Variants in SUMF1 observed in about 807,000 individuals in gnomAD.
SUMF1 encodes the protein sulfatase modifying factor 1.
Under a neutral mutation model 47.6 loss-of-function variants are expected in SUMF1, and 48 were observed. The observed-to-expected ratio is 1.01, with a 90% CI of 0.80 to 1.28. The LOEUF is 1.28. Among genes scored for constraint, SUMF1 ranks in the 50% most tolerant of loss-of-function variants. SUMF1 has a pLI of 0.00. For missense variants in SUMF1, 571 were observed against 485.4 expected, an observed-to-expected ratio of 1.18 and a Z score of -1.66; for synonymous variants, 230 against 192.1, an observed-to-expected ratio of 1.20 and a Z score of -1.63.
intron 8 of SUMF1, among the ~76,000 whole-genome samples, chr3:4,134,918 T>A (rs1019457600): frequency 6.6e-6 from 1 of 152,022 alleles, no homozygotes; most frequent in African/African-American, 2.4e-5. Flanking sequence ...CAAGACTAAA[T>A]CAGGACGAAG....
intron 8 of SUMF1, among the ~76,000 whole-genome samples, chr3:4,124,831 T>G (rs1403150618): frequency 1.3e-5 from 2 of 152,082 alleles, no homozygotes; most frequent in Non-Finnish European, 2.9e-5. Flanking sequence ...AGGAAAAATT[T>G]TTACTGCTTG....
In SUMF1 at chr3:4,137,936, A is replaced by T. The variant is rs201914692; in HGVS notation, c.1015-69191T>A. On this transcript the variant is annotated intron_variant and NMD_transcript_variant, in intron 8 of 12. Coordinates refer to the SUMF1 transcript ENST00000448413. ...TAATACACACACACACACACACATTATTAGAACTAATAAGTGAGTTCAGCA... is the reference window on the plus strand; with the variant it reads ...TAATACACACACACACACACACATTTTTAGAACTAATAAGTGAGTTCAGCA... Among the ~76,000 whole-genome samples the T allele has an allele frequency of 3.1e-3, 475 of 151,948 alleles. 4 individuals carry two copies. The highest frequency in any genetic ancestry group is 0.011 in the African/African-American group (450 of 41,428).
chr3:4,239,359 T>G (rs1479273864), intron 8 of SUMF1, among the ~76,000 whole-genome samples: 4 of 152,192 alleles, frequency 2.6e-5, no homozygotes, highest in Admixed American at 2.6e-4. Flanking sequence ...ATAGATTACT[T>G]TGGGCAGTAT....
chr3:4,272,889 T>C (rs1291542323), intron 8 of SUMF1, among the ~76,000 whole-genome samples: 1 of 151,802 alleles, frequency 6.6e-6, no homozygotes, highest in South Asian at 2.1e-4. Flanking sequence ...ACCTGGGCAA[T>C]ATAGCCAGAC....
intron 8 of SUMF1, among the ~76,000 whole-genome samples, chr3:4,245,414 G>C (rs1696641766): frequency 6.6e-6 from 1 of 152,074 alleles, no homozygotes; most frequent in South Asian, 2.1e-4. Flanking sequence ...CTACAGATGG[G>C]GTTTTAGTGT....
intron 1 of SUMF1, among the ~76,000 whole-genome samples, chr3:4,462,566 A>ATTTTTGTCTTGTACACAAATCTTTTTT (rs2079841337): frequency 6.6e-6 from 1 of 152,032 alleles, no homozygotes; most frequent in Non-Finnish European, 1.5e-5. Context: ...CTACCGTAAG[A>ATTTTTGTCTTGTACACAAATCTTTTTT]TTTTTGTCTT....
intron 8 of SUMF1, among the ~76,000 whole-genome samples, chr3:4,333,769 CAGG>C (rs1205806452): frequency 2.0e-5 from 3 of 151,622 alleles, no homozygotes; most frequent in African/African-American, 7.3e-5. Flanking sequence ...TAAATATAAA[CAGG>C]AGAACAATTT....
At chr3:4,328,891 G>C (rs1037762523) in intron 8 of SUMF1, among the ~76,000 whole-genome samples, 1 of 152,154 alleles carries the variant, frequency 6.6e-6, no homozygotes, top group Non-Finnish European at 1.5e-5. Context: ...TACAATGGGG[G>C]TACAGGCATT....
At chr3:4,227,144 T>G (rs1043107350) in intron 8 of SUMF1, among the ~76,000 whole-genome samples, 1 of 152,130 alleles carries the variant, frequency 6.6e-6, no homozygotes, top group East Asian at 1.9e-4. Context: ...CCAAGAAGCA[T>G]TCTAGAGCTT....
chr3:4,230,700 G>A (rs73806960), intron 8 of SUMF1, among the ~76,000 whole-genome samples: 4,138 of 152,116 alleles, frequency 0.027, 178 homozygotes, highest in African/African-American at 0.094. Flanking sequence ...CTCTTCCCCA[G>A]TGGTGGGGCC....
intron 8 of SUMF1, among the ~76,000 whole-genome samples, chr3:4,268,239 G>C (rs892417190): frequency 6.6e-6 from 1 of 152,006 alleles, no homozygotes; most frequent in South Asian, 2.1e-4. Flanking sequence ...ACTGTTGTGG[G>C]GTTGGGGGAG....
intron 8 of SUMF1, among the ~76,000 whole-genome samples, chr3:4,277,634 T>C (rs1697446409): frequency 6.6e-6 from 1 of 152,088 alleles, no homozygotes; most frequent in Admixed American, 6.6e-5. Context: ...AATCTTTACA[T>C]CTAGGAGGCT....
At chr3:4,201,219 T>C (rs1278442594) in intron 8 of SUMF1, among the ~76,000 whole-genome samples, 1 of 152,082 alleles carries the variant, frequency 6.6e-6, no homozygotes, top group Non-Finnish European at 1.5e-5. Context: ...TGCTATCAAA[T>C]ACTAGATCTT....
rs150634088 is a variant in SUMF1, at chr3:4,449,536, C to G, written c.445-196G>C. Among the ~76,000 whole-genome samples, 8 of 152,268 alleles carry G rather than the reference C, an allele frequency of 5.3e-5. No individual in the cohort carries two copies. In the East Asian group the frequency reaches 1.3e-3, roughly 26 times the overall value. ...TTAAATTAATGTCACTTACAGAGAC[C>G]ATTTTCGTTTAAGACTCACTTAGCT... On this transcript the variant is annotated intron_variant, in intron 2 of 8. Transcript: ENST00000272902.
intron 7 of SUMF1, among the ~76,000 whole-genome samples, chr3:4,388,314 T>C (rs1489994881): frequency 1.3e-5 from 2 of 152,098 alleles, no homozygotes; most frequent in East Asian, 3.8e-4. Context: ...ATTATATACG[T>C]TCTTCCTCAA....
intron 8 of SUMF1, among the ~76,000 whole-genome samples, chr3:4,104,869 C>A (rs1693122528): frequency 6.6e-6 from 1 of 152,070 alleles, no homozygotes; most frequent in African/African-American, 2.4e-5. Flanking sequence ...AGCAATACCA[C>A]TTCTGGTATA....
chr3:4,374,016 A>G (rs1487221749), intron 8 of SUMF1, among the ~76,000 whole-genome samples: 1 of 152,150 alleles, frequency 6.6e-6, no homozygotes, highest in Non-Finnish European at 1.5e-5. Flanking sequence ...AAAAATTAGC[A>G]ATGGAAAAAA....
rs188716186 is a variant in SUMF1 at position 4,327,941 on chromosome 3, C to T, written c.1014+48389G>A. Reference sequence around the variant, plus strand: ...GATTTTAAAAGCAAAAACCACTGCACTCAGCAGCTCACACTTGTAATCTCA... The same window carrying T: ...GATTTTAAAAGCAAAAACCACTGCATTCAGCAGCTCACACTTGTAATCTCA... On this transcript the variant is annotated intron_variant and NMD_transcript_variant, in intron 8 of 12. Coordinates refer to the SUMF1 transcript ENST00000448413. Among the ~76,000 whole-genome samples, 7 of 152,342 alleles carry T rather than the reference C, an allele frequency of 4.6e-5. No homozygotes were observed. The East Asian group carries it at 5.8e-4, about 13-fold the overall frequency.
At chr3:4,246,256 G>A (rs1033166761) in intron 8 of SUMF1, among the ~76,000 whole-genome samples, 11 of 152,068 alleles carry the variant, frequency 7.2e-5, no homozygotes, top group South Asian at 2.1e-4. Flanking sequence ...CTCACCCTCC[G>A]TGGGCTGCAC....
Sources: allele counts gnomAD v4.1 joint callset (sites outside exome capture counted in the v4.1 genomes callset), GRCh38; gene constraint gnomAD v4.1.1; transcripts MANE v1.5; gene names NCBI Gene and HGNC (gene_info 2026-07-23, HGNC 2026-07-21).